The following KIAA1328 variants were observed in gnomAD, a reference collection of about 807,000 sequenced individuals.
KIAA1328 encodes the protein KIAA1328, also known as protein hinderin.
Under a neutral mutation model 68.1 loss-of-function variants are expected in KIAA1328, and 52 were observed. The ratio of observed to expected loss-of-function variants is 0.76; its 90% CI spans 0.61 to 0.96. The LOEUF (loss-of-function observed/expected upper bound fraction) is 0.96, where lower values mean the gene tolerates loss of function less well. Among genes scored for constraint, KIAA1328 ranks in the 40% least tolerant of loss-of-function variants. The probability of loss-of-function intolerance (pLI) is 0.00; values close to 1 mark genes in which losing one functional copy is unlikely to be tolerated. For synonymous variants in KIAA1328, 232 were observed against 239.4 expected, an observed-to-expected ratio of 0.97 and a Z score of 0.28; for missense variants, 641 against 677.6, an observed-to-expected ratio of 0.95 and a Z score of 0.60.
At chr18:37,064,173 T>A (rs2056257558) in intron 6 of KIAA1328, among the ~76,000 whole-genome samples, 1 of 152,212 alleles carries the variant, frequency 6.6e-6, no homozygotes, top group Non-Finnish European at 1.5e-5. Context: ...TGTCATCTGT[T>A]TGCTGTACAG....
At chr18:37,165,485 T>C (rs1034230868) in intron 8 of KIAA1328, among the ~76,000 whole-genome samples, 1 of 151,892 alleles carries the variant, frequency 6.6e-6, no homozygotes, top group African/African-American at 2.4e-5. Context: ...AATGGTGCTA[T>C]ATCGGTTCAC....
At chr18:37,084,476 G>GT (rs1174581418) in intron 7 of KIAA1328, 21,771 of 130,120 alleles carry the variant, frequency 0.17, 1,426 homozygotes, top group Non-Finnish European at 0.21. Context: ...TTTGTTTTTT[G>GT]TTTTTTTTTT....
In KIAA1328 at chr18:36,875,163, T is replaced by C. The variant is rs142302137; in HGVS notation, c.333-10394T>C. Among the ~76,000 whole-genome samples the C allele has an allele frequency of 2.6e-3, 399 of 152,326 alleles. 14 individuals are homozygous for C. The East Asian group carries it at 0.067, about 25-fold the overall frequency. On this transcript the variant is annotated intron_variant, in intron 4 of 9. Transcript: ENST00000280020. ...TGTCTTGGCTATATGGGCTCTTTTT[T>C]GGTTTCATATGAAATTTAAAGTAGT...
chr18:36,930,321 A>G (rs897252523), intron 5 of KIAA1328, among the ~76,000 whole-genome samples: 1 of 152,090 alleles, frequency 6.6e-6, no homozygotes, highest in East Asian at 1.9e-4. Context: ...TTTGGAATTC[A>G]GTTTACCTGA....
chr18:37,044,325 C>T (rs993664121), intron 6 of KIAA1328, among the ~76,000 whole-genome samples: 4 of 152,068 alleles, frequency 2.6e-5, no homozygotes, highest in Non-Finnish European at 2.9e-5. Context: ...ACTATGGATC[C>T]TATCCGTCAT....
rs934038587 is a variant in KIAA1328, at chr18:37,054,246, G to T, written c.577-12644G>T. Among the ~76,000 whole-genome samples, 5 of 152,142 alleles carry T rather than the reference G, an allele frequency of 3.3e-5. No individual in the cohort carries two copies. In the East Asian group the frequency reaches 5.8e-4, roughly 18 times the overall value. ...ATTAGTTCATCCCCTATGGAAAACA[G>T]TATGGAGATTTCTTAAAGAAGTAAA... On this transcript the variant is annotated intron_variant, in intron 6 of 9. Coordinates refer to ENST00000280020, the MANE Select transcript of KIAA1328 (RefSeq NM_020776.3).
intron 5 of KIAA1328, among the ~76,000 whole-genome samples, chr18:36,944,039 A>AAT (rs1331910315): frequency 6.6e-6 from 1 of 152,210 alleles, no homozygotes; most frequent in Non-Finnish European, 1.5e-5. Flanking sequence ...TAAGTGTAAA[A>AAT]ATTCAACATT....
chr18:36,835,908 C>T (rs2046658080), intron 3 of KIAA1328, among the ~76,000 whole-genome samples: 1 of 152,150 alleles, frequency 6.6e-6, no homozygotes, highest in African/African-American at 2.4e-5. Context: ...AGGATGTCTA[C>T]ACAAAACTTG....
At chr18:37,139,058 G>A (rs992155683) in intron 7 of KIAA1328, among the ~76,000 whole-genome samples, 24 of 141,722 alleles carry the variant, frequency 1.7e-4, no homozygotes, top group Admixed American at 4.6e-4. Context: ...CCGGGTTCAC[G>A]CCATTCTCCT....
intron 5 of KIAA1328, among the ~76,000 whole-genome samples, chr18:36,941,034 C>T (rs544798790): frequency 2.4e-4 from 37 of 152,112 alleles, no homozygotes; most frequent in Admixed American, 2.4e-3. Context: ...TAAGTGAACG[C>T]GAAATAAGGA....
chr18:37,187,308 G>A (rs985872926), intron 9 of KIAA1328, among the ~76,000 whole-genome samples: 6 of 152,192 alleles, frequency 3.9e-5, no homozygotes, highest in Non-Finnish European at 7.3e-5. Flanking sequence ...CTTCCGATGG[G>A]AAAGCTGGGA....
At chr18:37,101,723 A>G (rs1421869302) in intron 7 of KIAA1328, among the ~76,000 whole-genome samples, 1 of 152,208 alleles carries the variant, frequency 6.6e-6, no homozygotes, top group Non-Finnish European at 1.5e-5. Context: ...TGTCAGATTC[A>G]CCAAAGTTGA....
At chr18:36,880,757 T>C (rs184885177) in intron 4 of KIAA1328, among the ~76,000 whole-genome samples, 2 of 152,302 alleles carry the variant, frequency 1.3e-5, no homozygotes, top group East Asian at 3.9e-4. Context: ...TAGTTTCTCC[T>C]GTTCCTAGGT....
intron 7 of KIAA1328, among the ~76,000 whole-genome samples, chr18:37,130,783 G>A (rs1335067862): frequency 6.6e-6 from 1 of 152,112 alleles, no homozygotes; most frequent in Non-Finnish European, 1.5e-5. Flanking sequence ...AAGAGTATGT[G>A]TCTTTTCATA....
chr18:37,136,750 T>C (rs1220090325), intron 7 of KIAA1328, among the ~76,000 whole-genome samples: 1 of 152,244 alleles, frequency 6.6e-6, no homozygotes, highest in Non-Finnish European at 1.5e-5. Flanking sequence ...GACATTTTTG[T>C]CTTCCCATAT....
chr18:37,144,431 A>G (rs2058848226), intron 7 of KIAA1328, among the ~76,000 whole-genome samples: 1 of 151,616 alleles, frequency 6.6e-6, no homozygotes, highest in Admixed American at 6.6e-5. Context: ...CTTACCTTAT[A>G]TCTAGTTTGC....
rs528656234 is a variant in KIAA1328 at position 36,985,235 on chromosome 18, G to T, written c.576+25800G>T. On this transcript the variant is annotated intron_variant, in intron 6 of 9. Coordinates refer to ENST00000280020, the MANE Select transcript of KIAA1328 (RefSeq NM_020776.3). Reference sequence around the variant, plus strand: ...GGATTGCTTGAGCCCAGGAGCTCAAGTCTACAGTGAGCCAGGATCACACCA... The same window carrying T: ...GGATTGCTTGAGCCCAGGAGCTCAATTCTACAGTGAGCCAGGATCACACCA... 2.0e-5 allele frequency among the ~76,000 whole-genome samples: 3 copies of T among 152,266 alleles called. No individual in the cohort carries two copies. In the South Asian group the frequency reaches 6.2e-4, roughly 32 times the overall value.
In KIAA1328 at chr18:37,223,978, CT is replaced by C; in HGVS notation, c.*1752del. On this transcript the variant is annotated 3_prime_UTR_variant, in exon 10 of 10. Coordinates refer to ENST00000280020, the MANE Select transcript of KIAA1328 (RefSeq NM_020776.3). ...ATTAAAATTTCTTTATAAAGTTCAC[CT>C]CTGAGAGTAACCAAATCGGTTTCAT... 4 of 985,386 alleles carry C rather than the reference CT, an allele frequency of 4.1e-6. No homozygotes were observed. The highest frequency in any genetic ancestry group is 4.8e-6 in the Non-Finnish European group (4 of 829,918). 61.0% of individuals were successfully genotyped at this position (985,386 alleles called of 1,614,324 possible).
At chr18:37,213,730 T>A (rs1380934284) in intron 9 of KIAA1328, among the ~76,000 whole-genome samples, 12 of 152,198 alleles carry the variant, frequency 7.9e-5, no homozygotes, top group Non-Finnish European at 1.5e-4. Context: ...CCACACTGTC[T>A]TCCACAATGG....
Sources: gnomAD v4.1 joint callset for allele counts (sites outside exome capture counted in the v4.1 genomes callset) on GRCh38, gnomAD v4.1.1 for gene constraint, MANE v1.5 for transcripts, NCBI Gene and HGNC (gene_info 2026-07-23, HGNC 2026-07-21) for gene names.